The following LRFN5 variants were observed in gnomAD, a reference collection of about 807,000 sequenced individuals.
LRFN5 encodes the protein leucine rich repeat and fibronectin type III domain containing 5.
LRFN5 carries 24 observed loss-of-function variants against 45.6 expected under a neutral mutation model. That is an observed-to-expected ratio of 0.53 (90% CI 0.38 to 0.74). LRFN5 has a LOEUF of 0.74. LRFN5 is among the 30% of genes least tolerant of loss of function. LRFN5 has a pLI of 0.00. For synonymous variants in LRFN5, 340 were observed against 313.8 expected, an observed-to-expected ratio of 1.08 and a Z score of -0.88; for missense variants, 776 against 861.5, an observed-to-expected ratio of 0.90 and a Z score of 1.24.
intron 1 of LRFN5, among the ~76,000 whole-genome samples, chr14:41,629,714 G>A (rs1252197803): frequency 6.6e-6 from 1 of 152,144 alleles, no homozygotes; most frequent in African/African-American, 2.4e-5. Flanking sequence ...TTTGGAAGGA[G>A]GCATTCCCAG....
chr14:41,745,361 C>T (rs962758868), intron 1 of LRFN5, among the ~76,000 whole-genome samples: 1 of 151,914 alleles, frequency 6.6e-6, no homozygotes, highest in African/African-American at 2.4e-5. Context: ...TATATCAAAA[C>T]TTACGGTACT....
chr14:41,799,410 C>G (rs550230198), intron 2 of LRFN5, among the ~76,000 whole-genome samples: 1 of 151,804 alleles, frequency 6.6e-6, no homozygotes, highest in Non-Finnish European at 1.5e-5. Flanking sequence ...CAAATACAAA[C>G]TTAACAACTA....
intron 2 of LRFN5, among the ~76,000 whole-genome samples, chr14:41,818,919 T>A (rs1321909116): frequency 6.6e-6 from 1 of 152,102 alleles, no homozygotes; most frequent in Non-Finnish European, 1.5e-5. Context: ...AAGTGTACAG[T>A]ATCTATTATT....
intron 1 of LRFN5, among the ~76,000 whole-genome samples, chr14:41,611,002 A>G (rs1389105583): frequency 3.9e-5 from 6 of 152,192 alleles, no homozygotes; most frequent in Non-Finnish European, 7.3e-5. Context: ...GCTGGTGAAT[A>G]TAGGTACTTG....
rs557550191 is a variant in LRFN5 at position 41,728,916 on chromosome 14, A to G, written c.-196-37938A>G. 3.9e-5 allele frequency among the ~76,000 whole-genome samples: 6 copies of G among 152,274 alleles called. No individual in the cohort carries two copies. In the East Asian group the frequency reaches 7.7e-4, roughly 20 times the overall value. ...TTAGAAATGAATTCACTAACCAACA[A>G]TTTTAAAGATTCATCCATTTTTATT... On this transcript the variant is annotated intron_variant, in intron 1 of 5. Transcript: ENST00000298119.
At chr14:41,827,169 C>T (rs531843031) in intron 2 of LRFN5, among the ~76,000 whole-genome samples, 6 of 152,072 alleles carry the variant, frequency 3.9e-5, no homozygotes, top group Non-Finnish European at 8.8e-5. Context: ...TGTTGAGTGG[C>T]ATATACTTTG....
chr14:41,719,149 G>T (rs562510598), intron 1 of LRFN5, among the ~76,000 whole-genome samples: 3 of 152,020 alleles, frequency 2.0e-5, no homozygotes, highest in Non-Finnish European at 4.4e-5. Context: ...TGCAAAACAC[G>T]AAAAGAGACC....
intron 1 of LRFN5, among the ~76,000 whole-genome samples, chr14:41,615,598 C>T (rs1032703182): frequency 3.9e-5 from 6 of 152,044 alleles, no homozygotes; most frequent in Non-Finnish European, 8.8e-5. Context: ...ACAACAACCA[C>T]GTGGGTAGAC....
chr14:41,662,619 G>A (rs1381006344), intron 1 of LRFN5, among the ~76,000 whole-genome samples: 1 of 151,988 alleles, frequency 6.6e-6, no homozygotes, highest in East Asian at 1.9e-4. Context: ...TGGGCCTGGA[G>A]TTGCAGTTGG....
chr14:41,800,282 T>A (rs889352266), intron 2 of LRFN5, among the ~76,000 whole-genome samples: 1 of 147,710 alleles, frequency 6.8e-6, no homozygotes, highest in Non-Finnish European at 1.5e-5. Flanking sequence ...TGATCACAGA[T>A]GAAACCAAAA....
At chr14:41,700,588 G>C (rs1385899509) in intron 1 of LRFN5, 1 of 146,356 alleles carries the variant, frequency 6.8e-6, no homozygotes, top group African/African-American at 2.4e-5. Flanking sequence ...GAAAAGAAAA[G>C]AGAAGAGAAG....
At chr14:41,801,622 C>T (rs972353589) in intron 2 of LRFN5, among the ~76,000 whole-genome samples, 1 of 152,200 alleles carries the variant, frequency 6.6e-6, no homozygotes, top group African/African-American at 2.4e-5. Context: ...AAGAAGGATC[C>T]TTGAGGAGCT....
At chr14:41,721,971 G>A (rs1256783080) in intron 1 of LRFN5, among the ~76,000 whole-genome samples, 1 of 151,932 alleles carries the variant, frequency 6.6e-6, no homozygotes, top group African/African-American at 2.4e-5. Flanking sequence ...TTTCCAAGTT[G>A]TTTACTTTTT....
At chr14:41,692,401 TA>T (rs1882416692) in intron 1 of LRFN5, among the ~76,000 whole-genome samples, 1 of 152,122 alleles carries the variant, frequency 6.6e-6, no homozygotes, top group Non-Finnish European at 1.5e-5. Context: ...AAATGGTTAC[TA>T]CCCTTTTAAT....
intron 1 of LRFN5, among the ~76,000 whole-genome samples, chr14:41,738,815 G>C (rs558007460): frequency 6.6e-6 from 1 of 152,180 alleles, no homozygotes; most frequent in South Asian, 2.1e-4. Context: ...TATTCAAACT[G>C]TTATATGTTC....
chr14:41,734,870 C>T (rs917838063), intron 1 of LRFN5, among the ~76,000 whole-genome samples: 1 of 151,966 alleles, frequency 6.6e-6, no homozygotes, highest in East Asian at 1.9e-4. Flanking sequence ...AATATATTGA[C>T]AGATTATTTT....
intron 2 of LRFN5, among the ~76,000 whole-genome samples, chr14:41,819,563 G>A (rs1198657673): frequency 1.3e-5 from 2 of 152,106 alleles, no homozygotes; most frequent in Non-Finnish European, 2.9e-5. Context: ...TCTGCAGACT[G>A]TCCAGGAAGC....
intron 2 of LRFN5, among the ~76,000 whole-genome samples, chr14:41,878,342 G>C (rs1033606608): frequency 4.6e-5 from 7 of 152,094 alleles, no homozygotes; most frequent in Non-Finnish European, 1.0e-4. Flanking sequence ...CTATGGAGGA[G>C]CCCAATAGCT....
intron 1 of LRFN5, among the ~76,000 whole-genome samples, chr14:41,752,868 A>G (rs1885198909): frequency 6.6e-6 from 1 of 152,154 alleles, no homozygotes; most frequent in Non-Finnish European, 1.5e-5. Context: ...GGTAATGCCT[A>G]GGTTTTCTTC....
Sources: allele counts gnomAD v4.1 joint callset (sites outside exome capture counted in the v4.1 genomes callset), GRCh38; gene constraint gnomAD v4.1.1; transcripts MANE v1.5; gene names NCBI Gene and HGNC (gene_info 2026-07-23, HGNC 2026-07-21).